Variants in MRPS27 observed in about 807,000 individuals in gnomAD.
MRPS27 encodes small ribosomal subunit protein mS27.
Under a neutral mutation model 48.9 loss-of-function variants are expected in MRPS27, and 43 were observed. The observed-to-expected ratio is 0.88, with a 90% CI of 0.69 to 1.13. MRPS27 has a LOEUF of 1.13. Among genes scored for constraint, MRPS27 ranks in the 50% most tolerant of loss-of-function variants. The probability of loss-of-function intolerance (pLI) is 0.00; values close to 1 mark genes in which losing one functional copy is unlikely to be tolerated. For missense variants in MRPS27, 467 were observed against 476.3 expected (o/e 0.98, Z 0.18); for synonymous variants, 188 against 171.9 (o/e 1.09, Z -0.73).
At chr5:72,286,970 C>T (rs974851401) in intron 4 of MRPS27, among the ~76,000 whole-genome samples, 1 of 152,212 alleles carries the variant, frequency 6.6e-6, no homozygotes. Flanking sequence ...CTCCAACCCC[C>T]AGGCTGTGGA....
At chr5:72,319,122 C>G (rs558391501) in intron 1 of MRPS27, among the ~76,000 whole-genome samples, 9 of 152,196 alleles carry the variant, frequency 5.9e-5, no homozygotes, top group African/African-American at 1.9e-4. Context: ...ATGGAAAAAT[C>G]GAGTGTGATT....
At chr5:72,248,641 C>T (rs1280016897) in intron 4 of MRPS27, among the ~76,000 whole-genome samples, 4 of 138,466 alleles carry the variant, frequency 2.9e-5, no homozygotes, top group African/African-American at 5.5e-5. Context: ...AGGTTTTCCT[C>T]TCTGGTTCCA....
intron 4 of MRPS27, among the ~76,000 whole-genome samples, chr5:72,257,992 G>A (rs1455268935): frequency 1.3e-5 from 2 of 150,748 alleles, no homozygotes; most frequent in Non-Finnish European, 2.9e-5. Flanking sequence ...GCTGAGCCAT[G>A]AGAATTGCTT....
rs1282570002 is a variant in MRPS27, at chr5:72,223,731, G to T, written c.957C>A (p.Ile319=). 8 of 1,613,858 alleles carry T rather than the reference G, an allele frequency of 5.0e-6. No individual in the cohort carries two copies. In the Admixed American group the frequency reaches 1.0e-4, roughly 20 times the overall value. Residue 319 remains isoleucine, a synonymous_variant, in exon 10 of 11, where the codon ATC becomes ATA. Coordinates refer to ENST00000261413, the MANE Select transcript of MRPS27 (RefSeq NM_015084.3). ...GSEKLVEQLD[I]EETEQSKLPQ... is the part of the protein sequence containing the mutation. Reference sequence around the variant, plus strand: ...GAAGCTTGGACTGCTCTGTTTCCTCGATGTCTAACTGCTCCACCAGTTTTT... The same window carrying T: ...GAAGCTTGGACTGCTCTGTTTCCTCTATGTCTAACTGCTCCACCAGTTTTT...
Position 72,295,604 on chromosome 5 carries a change from A to G in MRPS27, c.223-15T>C. On this transcript the variant is annotated splice_polypyrimidine_tract_variant and intron_variant, in intron 3 of 10. Transcript: ENST00000261413. The stretch of plus-strand genomic sequence containing the variant: ...TTGTCTATAAGCTAAAAGACAGAAA[A>G]AGAAACCTTTGGTTGAATATAAATT... The G allele has an allele frequency of 6.3e-7, 1 of 1,595,222 alleles. No individual in the cohort carries two copies. The highest frequency in any genetic ancestry group is 8.6e-7 in the Non-Finnish European group (1 of 1,163,512).
chr5:72,274,227 G>A (rs1266966688), intron 4 of MRPS27, among the ~76,000 whole-genome samples: 6 of 152,160 alleles, frequency 3.9e-5, no homozygotes, highest in African/African-American at 1.2e-4. Context: ...GGTGGCTCAC[G>A]CCTATAATCC....
Position 72,256,735 on chromosome 5 carries a change from T to G in MRPS27, c.282-18607A>C, listed in dbSNP as rs1303613516. 2.6e-5 allele frequency among the ~76,000 whole-genome samples: 4 copies of G among 152,222 alleles called. No homozygotes were observed. In the East Asian group the frequency reaches 7.7e-4, roughly 29 times the overall value. On this transcript the variant is annotated intron_variant, in intron 4 of 10. Coordinates refer to ENST00000261413, the MANE Select transcript of MRPS27 (RefSeq NM_015084.3). ...TGATTTTACATATTTGCTTAAGTGATCCTCAAAACAAAACAATAGGTCTGT... is the reference window on the plus strand; with the variant it reads ...TGATTTTACATATTTGCTTAAGTGAGCCTCAAAACAAAACAATAGGTCTGT...
Position 72,290,263 on chromosome 5 carries a change from T to C in MRPS27, c.281+5268A>G, listed in dbSNP as rs138459202. The stretch of plus-strand genomic sequence containing the variant: ...CCCAGGAAAGATGCTCTCTACAAGA[T>C]GAAAAAGGAAAAAGTTCCCATTGTA... On this transcript the variant is annotated intron_variant, in intron 4 of 10. Coordinates refer to ENST00000261413, the MANE Select transcript of MRPS27 (RefSeq NM_015084.3). Among the ~76,000 whole-genome samples, 301 of 152,160 alleles carry C rather than the reference T, an allele frequency of 2.0e-3. 1 individual carries two copies. The highest frequency in any genetic ancestry group is 7.1e-3 in the African/African-American group (295 of 41,522).
At chr5:72,309,648 C>T (rs1024014821) in intron 2 of MRPS27, among the ~76,000 whole-genome samples, 56 of 152,210 alleles carry the variant, frequency 3.7e-4, no homozygotes, top group Non-Finnish European at 5.6e-4. Context: ...GTGTGACTGA[C>T]TATACCCAAC....
At chr5:72,264,847 A>G (rs1276018389) in intron 4 of MRPS27, among the ~76,000 whole-genome samples, 1 of 152,232 alleles carries the variant, frequency 6.6e-6, no homozygotes, top group African/African-American at 2.4e-5. Flanking sequence ...CTGCTGTTTT[A>G]AGCCACCCAG....
intron 4 of MRPS27, among the ~76,000 whole-genome samples, chr5:72,243,793 AAAGTC>A (rs1256976816): frequency 6.6e-6 from 1 of 152,234 alleles, no homozygotes; most frequent in Admixed American, 6.5e-5. Context: ...TTAAAAAATT[AAAGTC>A]AAGTTTACAG....
chr5:72,236,037 T>G (rs2111957439), intron 5 of MRPS27, among the ~76,000 whole-genome samples: 1 of 152,300 alleles, frequency 6.6e-6, no homozygotes, highest in Admixed American at 6.5e-5. Flanking sequence ...AACTTCTGCT[T>G]GTTTTTCTTT....
At chr5:72,300,737 ATC>A (rs957054684) in intron 2 of MRPS27, among the ~76,000 whole-genome samples, 9 of 152,214 alleles carry the variant, frequency 5.9e-5, no homozygotes, top group Non-Finnish European at 1.2e-4. Context: ...AGCCACCAGT[ATC>A]TCTCATCTCC....
intron 3 of MRPS27, among the ~76,000 whole-genome samples, chr5:72,297,074 C>T (rs1173443911): frequency 6.6e-6 from 1 of 152,206 alleles, no homozygotes; most frequent in South Asian, 2.1e-4. Context: ...TAAACCATGT[C>T]TTACATAGAC....
chr5:72,239,664 T>C (rs1049800406), intron 4 of MRPS27, among the ~76,000 whole-genome samples: 3 of 152,066 alleles, frequency 2.0e-5, no homozygotes, highest in Admixed American at 6.6e-5. Flanking sequence ...TTTTCCCTCA[T>C]ATTTGTTTTT....
chr5:72,301,376 G>A (rs1485187033), intron 2 of MRPS27, among the ~76,000 whole-genome samples: 1 of 152,172 alleles, frequency 6.6e-6, no homozygotes, highest in East Asian at 1.9e-4. Flanking sequence ...GATGTTAAAT[G>A]TCTCTCTCAT....
intron 4 of MRPS27, among the ~76,000 whole-genome samples, chr5:72,253,338 C>T (rs912309020): frequency 3.3e-5 from 5 of 152,290 alleles, no homozygotes; most frequent in African/African-American, 4.8e-5. Flanking sequence ...CAATCTATCA[C>T]GTTTAATCAC....
chr5:72,287,084 T>C (rs931029976), intron 4 of MRPS27, among the ~76,000 whole-genome samples: 1 of 152,110 alleles, frequency 6.6e-6, no homozygotes, highest in African/African-American at 2.4e-5. Context: ...AGTGGTGGTA[T>C]TAGATTCTCA....
At chr5:72,283,104 C>T (rs1439883312) in intron 4 of MRPS27, among the ~76,000 whole-genome samples, 1 of 152,108 alleles carries the variant, frequency 6.6e-6, no homozygotes, top group Non-Finnish European at 1.5e-5. Context: ...CCAAGATGAT[C>T]TGCTCATCTA....
Sources: allele counts gnomAD v4.1 joint callset (sites outside exome capture counted in the v4.1 genomes callset), GRCh38; gene constraint gnomAD v4.1.1; transcripts MANE v1.5; gene names NCBI Gene and HGNC (gene_info 2026-07-23, HGNC 2026-07-21).